Variants in SMG6 observed in about 807,000 individuals in gnomAD.
SMG6 encodes the protein SMG6 nonsense mediated mRNA decay factor, also known as telomerase-binding protein EST1A.
Under a neutral mutation model 142.2 loss-of-function variants are expected in SMG6, and 66 were observed. The observed-to-expected ratio is 0.46, with a 90% CI of 0.38 to 0.57. The LOEUF is 0.57. Among genes scored for constraint, SMG6 ranks in the 20% least tolerant of loss-of-function variants. The pLI is 0.00. For missense variants in SMG6, 1,793 were observed against 1,832.0 expected (o/e 0.98, Z 0.39); for synonymous variants, 779 against 702.4 (o/e 1.11, Z -1.72).
chr17:2,063,805 C>G (rs1306438266), intron 18 of SMG6, among the ~76,000 whole-genome samples: 1 of 151,968 alleles, frequency 6.6e-6, no homozygotes, highest in Non-Finnish European at 1.5e-5. Context: ...TGAAGGGAGG[C>G]AAGGGGCTGT....
rs967264869 is a variant in SMG6 at position 2,138,479 on chromosome 17, C to T, written c.3357+34179G>A. 2.6e-5 allele frequency among the ~76,000 whole-genome samples: 4 copies of T among 152,248 alleles called. No individual in the cohort carries two copies. The South Asian group carries it at 6.2e-4, about 24-fold the overall frequency. The stretch of plus-strand genomic sequence containing the variant: ...GCCAGACTAAATGAAGACATATAAC[C>T]GGAAGTCAGCCACCAGCCTGACCCC... On this transcript the variant is annotated intron_variant, in intron 13 of 18. Transcript: ENST00000263073.
chr17:2,061,995 C>A, intron 18 of SMG6: 1 of 164,748 alleles, frequency 6.1e-6, no homozygotes, highest in Non-Finnish European at 1.3e-5. Context: ...GCTCTCCCCA[C>A]ACCCCACTTT....
chr17:2,126,945 C>T (rs1044642119), intron 13 of SMG6, among the ~76,000 whole-genome samples: 1 of 151,802 alleles, frequency 6.6e-6, no homozygotes, highest in African/African-American at 2.4e-5. Context: ...CATGCGCACA[C>T]ATGCACACAC....
At chr17:2,257,999 ACT>A (rs1275665036) in intron 8 of SMG6, among the ~76,000 whole-genome samples, 6 of 125,102 alleles carry the variant, frequency 4.8e-5, no homozygotes, top group African/African-American at 2.0e-4. Context: ...ACAAAGCGAG[ACT>A]CTGTCGCAAA....
intron 18 of SMG6, among the ~76,000 whole-genome samples, chr17:2,063,743 A>G (rs113335213): frequency 1.1e-4 from 16 of 152,034 alleles, no homozygotes; most frequent in African/African-American, 3.9e-4. Context: ...TGGGAGGGAG[A>G]GGCTTGTGGG....
intron 12 of SMG6, 140 bp downstream of exon 12, chr17:2,186,522 CA>C (rs987772563): frequency 1.5e-5 from 14 of 927,920 alleles, no homozygotes; most frequent in Admixed American, 8.5e-5. Context: ...GGAAGGTATT[CA>C]AAAAAAGTTC....
chr17:2,075,760 G>A (rs1199705677), intron 15 of SMG6, among the ~76,000 whole-genome samples: 1 of 152,240 alleles, frequency 6.6e-6, no homozygotes, highest in African/African-American at 2.4e-5. Flanking sequence ...GAACCCACAG[G>A]AGGAGCTGTC....
At chr17:2,302,535 C>T (rs2075305265) in intron 1 of SMG6, among the ~76,000 whole-genome samples, 1 of 152,112 alleles carries the variant, frequency 6.6e-6, no homozygotes, top group East Asian at 1.9e-4. Flanking sequence ...AGCTAGACTC[C>T]GTCTCAAAAA....
At chr17:2,065,854 C>T (rs913587555) in intron 16 of SMG6, 175 bp from the exon 17 acceptor site, 6 of 609,112 alleles carry the variant, frequency 9.9e-6, no homozygotes, top group Middle Eastern at 4.3e-4. Context: ...AGAAGTGTCT[C>T]GAGATTTCAC....
chr17:2,209,794 C>T (rs2072794793), intron 10 of SMG6, among the ~76,000 whole-genome samples: 1 of 152,178 alleles, frequency 6.6e-6, no homozygotes, highest in African/African-American at 2.4e-5. Context: ...GGCACCGTGC[C>T]CAGCCAAGAT....
intron 9 of SMG6, among the ~76,000 whole-genome samples, chr17:2,243,917 G>C (rs1211634887): frequency 6.6e-6 from 1 of 152,190 alleles, no homozygotes; most frequent in African/African-American, 2.4e-5. Context: ...TACTCAGGGA[G>C]ATCCTATACT....
intron 16 of SMG6, among the ~76,000 whole-genome samples, chr17:2,067,220 C>T (rs988897435): frequency 1.6e-4 from 24 of 152,302 alleles, no homozygotes; most frequent in Admixed American, 1.1e-3. Flanking sequence ...CCACCGAATC[C>T]GGATTTCCTT....
Position 2,186,847 on chromosome 17 carries a change from G to A in SMG6, c.2987-16C>T. 1.2e-6 allele frequency: 2 copies of A among 1,613,142 alleles called. No individual in the cohort carries two copies. The highest frequency in any genetic ancestry group is 1.7e-6 in the Non-Finnish European group (2 of 1,179,566). The stretch of plus-strand genomic sequence containing the variant: ...GACAGCTGAGCTGCAGAGGCAAAGG[G>A]TGAGAACTGGGCCTATGTCTGCTGT... On this transcript the variant is annotated splice_polypyrimidine_tract_variant and intron_variant, in intron 11 of 18. Transcript: ENST00000263073.
At chr17:2,160,843 A>G (rs1468769231) in intron 13 of SMG6, among the ~76,000 whole-genome samples, 1 of 152,018 alleles carries the variant, frequency 6.6e-6, no homozygotes, top group Non-Finnish European at 1.5e-5. Context: ...AAAAATAAAT[A>G]AAATAAAAGT....
chr17:2,173,161 A>G, intron 12 of SMG6: 1 of 382,766 alleles, frequency 2.6e-6, no homozygotes, highest in Non-Finnish European at 4.9e-6. Flanking sequence ...CTTTCCAGAC[A>G]GTGTGCCTGA....
At chr17:2,177,230 A>G (rs79705032) in intron 12 of SMG6, among the ~76,000 whole-genome samples, 1,552 of 152,296 alleles carry the variant, frequency 0.01, 33 homozygotes, top group African/African-American at 0.034. Flanking sequence ...AGGTTACCCA[A>G]CTGCAGCATC....
intron 15 of SMG6, among the ~76,000 whole-genome samples, chr17:2,076,265 G>A (rs1342081129): frequency 2.6e-5 from 4 of 152,114 alleles, no homozygotes; most frequent in Non-Finnish European, 5.9e-5. Flanking sequence ...GGAGTTCAGA[G>A]CAGGGTAATT....
chr17:2,249,136 G>A (rs1048737185), intron 8 of SMG6, among the ~76,000 whole-genome samples: 17 of 151,240 alleles, frequency 1.1e-4, no homozygotes, highest in Admixed American at 2.0e-4. Flanking sequence ...CTTGTGATCC[G>A]CCCGCCTTGG....
intron 9 of SMG6, among the ~76,000 whole-genome samples, chr17:2,242,896 G>A (rs1350723820): frequency 1.3e-5 from 2 of 152,000 alleles, no homozygotes; most frequent in Non-Finnish European, 1.5e-5. Flanking sequence ...TAACCTACTA[G>A]AATACTACAT....
Sources: allele counts gnomAD v4.1 joint callset (sites outside exome capture counted in the v4.1 genomes callset), GRCh38; gene constraint gnomAD v4.1.1; transcripts MANE v1.5; gene names NCBI Gene and HGNC (gene_info 2026-07-23, HGNC 2026-07-21).